The following RBFOX2 variants were observed in gnomAD, a reference collection of about 807,000 sequenced individuals.
The protein encoded by RBFOX2 is RNA binding protein fox-1 homolog 2.
In RBFOX2, 10 loss-of-function variants were observed where a neutral mutation model predicts 49.1. That is an observed-to-expected ratio of 0.20 (90% confidence interval 0.13 to 0.35). The LOEUF (loss-of-function observed/expected upper bound fraction) is 0.35, where lower values mean the gene tolerates loss of function less well. Ranked by LOEUF, RBFOX2 falls within the 10% of genes least tolerant of loss-of-function variation. RBFOX2 has a pLI of 1.00. For synonymous variants in RBFOX2, 183 were observed against 187.4 expected, an observed-to-expected ratio of 0.98 and a Z score of 0.19; for missense variants, 323 against 486.9, an observed-to-expected ratio of 0.66 and a Z score of 3.17.
At chr22:35,841,950 T>C (rs549838590), upstream of RBFOX2, among the ~76,000 whole-genome samples, 18 of 152,262 alleles carry the variant, frequency 1.2e-4, 1 homozygote, top group South Asian at 3.5e-3. Flanking sequence ...CCCAGCACTT[T>C]GGGAGGTTAA....
intron 5 of RBFOX2, among the ~76,000 whole-genome samples, chr22:35,767,010 G>A (rs779724935): frequency 9.2e-5 from 14 of 152,142 alleles, no homozygotes; most frequent in Non-Finnish European, 1.9e-4. Flanking sequence ...AGCTACAAAC[G>A]GGGGTTTGGG....
upstream of RBFOX2, chr22:35,939,227 C>T (rs1362060520): frequency 1.6e-5 from 8 of 510,630 alleles, no homozygotes; most frequent in Non-Finnish European, 2.7e-5. Flanking sequence ...CACTGTGGGA[C>T]TTCAGCATCC....
In RBFOX2 at chr22:35,746,575, G is replaced by C; in HGVS notation, c.888-14C>G. 1 of 1,523,642 alleles carries C rather than the reference G, an allele frequency of 6.6e-7. No homozygotes were observed. Among genetic ancestry groups the C allele is most frequent in the Non-Finnish European group, 8.9e-7 (1 of 1,121,394 alleles). The allele number at this position is 1,523,642 out of a possible 1,614,324, so 94.4% of individuals were successfully genotyped here. On this transcript the variant is annotated splice_polypyrimidine_tract_variant and intron_variant, in intron 9 of 11. Transcript: ENST00000405409. ...TGCATATCCACCCTACAGGAGAGAA[G>C]AGAACTGACTTTACAGATACCTCTC...
intron 1 of RBFOX2, among the ~76,000 whole-genome samples, chr22:35,874,135 A>C (rs2044710416): frequency 6.6e-6 from 1 of 152,244 alleles, no homozygotes; most frequent in Non-Finnish European, 1.5e-5. Context: ...AAAGGCATAC[A>C]TGAAAAGCAG....
At chr22:35,975,991 C>A (rs2057128446) in intron 1 of RBFOX2, among the ~76,000 whole-genome samples, 1 of 152,086 alleles carries the variant, frequency 6.6e-6, no homozygotes, top group Non-Finnish European at 1.5e-5. Context: ...CTGCTCCCAC[C>A]CCCAAATGTA....
intron 2 of RBFOX2, among the ~76,000 whole-genome samples, chr22:35,781,954 T>G (rs1253255973): frequency 2.6e-5 from 4 of 152,120 alleles, no homozygotes; most frequent in Non-Finnish European, 5.9e-5. Context: ...AAACAAAATG[T>G]TGGTGTTTTG....
At chr22:35,877,539 A>T (rs2045298338) in intron 1 of RBFOX2, among the ~76,000 whole-genome samples, 1 of 152,190 alleles carries the variant, frequency 6.6e-6, no homozygotes, top group Non-Finnish European at 1.5e-5. Flanking sequence ...AACAATCATA[A>T]CTAACATATA....
chr22:35,989,496 T>C (rs1160618838), intron 1 of RBFOX2, among the ~76,000 whole-genome samples: 1 of 151,938 alleles, frequency 6.6e-6, no homozygotes, highest in Non-Finnish European at 1.5e-5. Flanking sequence ...ATGTTGTGGT[T>C]AAAGAGAAAA....
chr22:35,993,887 T>A (rs1211481379), intron 1 of RBFOX2: 3 of 152,140 alleles, frequency 2.0e-5, no homozygotes. Flanking sequence ...CTCAGGAGGC[T>A]GAGGCAGGAG....
intron 1 of RBFOX2, among the ~76,000 whole-genome samples, chr22:35,989,109 T>G (rs1013055386): frequency 9.2e-5 from 14 of 152,226 alleles, no homozygotes; most frequent in Non-Finnish European, 1.9e-4. Flanking sequence ...AGATGCACAC[T>G]GAGCAGGTGG....
At chr22:35,789,263 C>T (rs940342966) in intron 2 of RBFOX2, among the ~76,000 whole-genome samples, 4 of 152,078 alleles carry the variant, frequency 2.6e-5, no homozygotes, top group African/African-American at 2.4e-5. Flanking sequence ...AGACCGTAGG[C>T]CAGGTAGAGC....
At chr22:35,807,232 A>C (rs13057358) in intron 2 of RBFOX2, among the ~76,000 whole-genome samples, 5 of 152,250 alleles carry the variant, frequency 3.3e-5, no homozygotes, top group African/African-American at 1.2e-4. Context: ...ATATCAGACA[A>C]ATAGTTTTAC....
intron 1 of RBFOX2, among the ~76,000 whole-genome samples, chr22:35,985,591 G>T (rs1440410450): frequency 2.6e-5 from 4 of 152,092 alleles, no homozygotes; most frequent in Non-Finnish European, 5.9e-5. Context: ...AAAATACTGT[G>T]TTATCCAAAC....
chr22:35,955,523 C>G (rs2055439667), intron 1 of RBFOX2, among the ~76,000 whole-genome samples: 2 of 144,848 alleles, frequency 1.4e-5, no homozygotes, highest in African/African-American at 5.1e-5. Flanking sequence ...GGACTGGTTT[C>G]ATGGGAGATA....
chr22:35,827,517 A>G (rs1956010273), intron 1 of RBFOX2, among the ~76,000 whole-genome samples: 1 of 152,196 alleles, frequency 6.6e-6, no homozygotes, highest in African/African-American at 2.4e-5. Context: ...ACTCAATACT[A>G]AAGAATTTGA....
intron 4 of RBFOX2, among the ~76,000 whole-genome samples, 161 bp from the exon 6 acceptor site, chr22:35,768,510 A>G (rs1370136202): frequency 6.6e-6 from 1 of 152,218 alleles, no homozygotes; most frequent in Admixed American, 6.5e-5. Context: ...ATATTTGTAA[A>G]GGGAAATTAA....
upstream of RBFOX2, among the ~76,000 whole-genome samples, chr22:35,845,414 A>G (rs2148907103): frequency 6.6e-6 from 1 of 151,630 alleles, no homozygotes; most frequent in South Asian, 2.1e-4. Context: ...AAAAAAAGTG[A>G]GTGTGAAATT....
At chr22:35,991,951 A>G (rs1198621431) in intron 1 of RBFOX2, among the ~76,000 whole-genome samples, 3 of 152,212 alleles carry the variant, frequency 2.0e-5, no homozygotes, top group Non-Finnish European at 4.4e-5. Flanking sequence ...TAAGTGCTTT[A>G]CTTGCAATAT....
At position 35,995,341 on chromosome 22, in the gene RBFOX2, T is replaced by G. The variant is rs551936110; in HGVS notation, c.186+32899A>C. 6 of 152,290 alleles carry G rather than the reference T, an allele frequency of 3.9e-5. 1 individual carries two copies. In the South Asian group the frequency reaches 1.2e-3, roughly 32 times the overall value. 9.4% of individuals were successfully genotyped at this position (152,290 alleles called of 1,614,324 possible). A position where few individuals can be genotyped will look rare whatever the true frequency, so the allele number is the denominator to read the frequency against. ...ACACTGAGTGAAAGAACATTTGCCT[T>G]TCTCCAAACACAAAAACCTTCCCCA... On this transcript the variant is annotated intron_variant, in intron 1 of 13. Transcript: ENST00000438146.
Sources: allele counts gnomAD v4.1 joint callset (sites outside exome capture counted in the v4.1 genomes callset), GRCh38; gene constraint gnomAD v4.1.1; transcripts MANE v1.5; gene names NCBI Gene and HGNC (gene_info 2026-07-23, HGNC 2026-07-21).